The following PCDHGA5 variants were observed in gnomAD, a reference collection of about 807,000 sequenced individuals.
PCDHGA5 encodes protocadherin gamma subfamily A, 5.
In PCDHGA5, 36 loss-of-function variants were observed where a neutral mutation model predicts 56.7. The ratio of observed to expected loss-of-function variants is 0.64; its 90% CI spans 0.49 to 0.84. The LOEUF (loss-of-function observed/expected upper bound fraction) is 0.84. Ranked by LOEUF, PCDHGA5 falls within the 40% of genes least tolerant of loss-of-function variation. The pLI, the probability that PCDHGA5 is intolerant of heterozygous loss-of-function variation, is 0.00. For missense variants in PCDHGA5, 1,305 were observed against 1,201.5 expected (o/e 1.09, Z -1.27); for synonymous variants, 563 against 520.2 (o/e 1.08, Z -1.12).
intron 1 of PCDHGA5, chr5:141,399,412 T>A: frequency 6.2e-7 from 1 of 1,613,948 alleles, no homozygotes; most frequent in Non-Finnish European, 8.5e-7. Flanking sequence ...GCCGCCCCTC[T>A]CCTCCAGCAT....
intron 2 of PCDHGA5, among the ~76,000 whole-genome samples, chr5:141,501,890 A>G (rs1046816316): frequency 6.6e-6 from 1 of 151,980 alleles, no homozygotes; most frequent in Non-Finnish European, 1.5e-5. Flanking sequence ...CCTGATCATC[A>G]TGGTTCCAAC....
At chr5:141,427,889 G>C in intron 1 of PCDHGA5, 1 of 1,566,516 alleles carries the variant, frequency 6.4e-7, no homozygotes, top group South Asian at 1.1e-5. Flanking sequence ...CCCACGACCA[G>C]GGCTCGCCCG....
chr5:141,472,623 TAA>T (rs2099291037), intron 1 of PCDHGA5, among the ~76,000 whole-genome samples: 1 of 152,018 alleles, frequency 6.6e-6, no homozygotes, highest in Non-Finnish European at 1.5e-5. Context: ...AGAAAAAAGA[TAA>T]AGACTGGGAA....
rs1033888717 is a variant in PCDHGA5 at position 141,512,540 on chromosome 5, T to C, written c.*1367T>C. 6.5e-6 allele frequency: 1 copy of C among 152,886 alleles called. No homozygotes were observed. Among genetic ancestry groups the C allele is most frequent in the African/African-American group, 2.4e-5 (1 of 41,476 alleles). 9.5% of individuals were successfully genotyped at this position (152,886 alleles called of 1,614,324 possible). ...CCATAGCCTGGTTAAAGTTCCCCAGTGCCTCCTTGTGCATAGACCTTCTTC... is the reference window on the plus strand; with the variant it reads ...CCATAGCCTGGTTAAAGTTCCCCAGCGCCTCCTTGTGCATAGACCTTCTTC... On this transcript the variant is annotated 3_prime_UTR_variant, in exon 4 of 4. Transcript: ENST00000518069.
rs1488506612 is a variant in PCDHGA5 at position 141,395,336 on chromosome 5, T to G, written c.2421+28585T>G. ...TTGTGAAGATAGTTGAAAATAATTTTTAAGGTGTATCACAGAGTTTTGGGT... is the reference window on the plus strand; with the variant it reads ...TTGTGAAGATAGTTGAAAATAATTTGTAAGGTGTATCACAGAGTTTTGGGT... On this transcript the variant is annotated intron_variant, in intron 1 of 3. Coordinates refer to ENST00000518069, the MANE Select transcript of PCDHGA5 (RefSeq NM_018918.3). 5 of 1,435,024 alleles carry G rather than the reference T, an allele frequency of 3.5e-6. No homozygotes were observed. In the African/African-American group the frequency reaches 4.3e-5, roughly 12 times the overall value. The allele number at this position is 1,435,024 out of a possible 1,614,324, so 88.9% of individuals were successfully genotyped here. A position where few individuals can be genotyped will look rare whatever the true frequency, so the allele number is the denominator to read the frequency against.
At chr5:141,377,317 T>C (rs1355098405) in intron 1 of PCDHGA5, 3 of 152,140 alleles carry the variant, frequency 2.0e-5, no homozygotes, top group African/African-American at 7.2e-5. Context: ...GATCAAGATC[T>C]TGGTTTTAGC....
intron 1 of PCDHGA5, chr5:141,382,974 A>G: frequency 6.2e-7 from 1 of 1,610,398 alleles, no homozygotes; most frequent in Non-Finnish European, 8.5e-7. Flanking sequence ...CCCCCTGGGA[A>G]GCCTGGGCAG....
intron 1 of PCDHGA5, among the ~76,000 whole-genome samples, chr5:141,447,805 G>A (rs1389870133): frequency 2.0e-5 from 3 of 152,064 alleles, no homozygotes; most frequent in Admixed American, 2.0e-4. Context: ...AATAAAATTG[G>A]CTGGGCGTGG....
At chr5:141,404,888 G>A (rs778498828) in intron 1 of PCDHGA5, 9 of 1,613,762 alleles carry the variant, frequency 5.6e-6, no homozygotes, top group East Asian at 2.2e-5. Context: ...TGTGGTGGCT[G>A]TACAGGACCA....
At chr5:141,450,829 A>ATT (rs373424450) in intron 1 of PCDHGA5, among the ~76,000 whole-genome samples, 8,685 of 135,030 alleles carry the variant, frequency 0.064, 328 homozygotes, top group South Asian at 0.088. Context: ...TATTATTATT[A>ATT]TTTTTTTTTT....
At chr5:141,371,633 G>C in intron 1 of PCDHGA5, 1 of 1,614,040 alleles carries the variant, frequency 6.2e-7, no homozygotes, top group Non-Finnish European at 8.5e-7. Context: ...TGGACCGGGA[G>C]CAGATCCCAG....
At chr5:141,450,006 C>CTTTTTT (rs1554136305) in intron 1 of PCDHGA5, among the ~76,000 whole-genome samples, 15 of 132,950 alleles carry the variant, frequency 1.1e-4, no homozygotes, top group African/African-American at 2.0e-4. Context: ...TGCCATGTCT[C>CTTTTTT]TTTTTTTTTT....
intron 1 of PCDHGA5, among the ~76,000 whole-genome samples, chr5:141,444,150 GGAT>G (rs2098419400): frequency 8.8e-6 from 1 of 114,014 alleles, no homozygotes; most frequent in African/African-American, 3.4e-5. Context: ...TGTGTGTACT[GGAT>G]TTTTTTTTTT....
intron 2 of PCDHGA5, among the ~76,000 whole-genome samples, chr5:141,497,602 C>T (rs948023459): frequency 2.0e-5 from 3 of 148,260 alleles, no homozygotes; most frequent in East Asian, 2.0e-4. Flanking sequence ...TGCAGTGGTG[C>T]GATCTTGGCT....
intron 1 of PCDHGA5, chr5:141,408,616 A>C (rs1242634693): frequency 6.2e-7 from 1 of 1,614,052 alleles, no homozygotes. Flanking sequence ...AAAAGGAAAT[A>C]CATTTAGAAA....
intron 1 of PCDHGA5, chr5:141,383,821 G>T: frequency 1.2e-6 from 2 of 1,613,922 alleles, no homozygotes; most frequent in Non-Finnish European, 1.7e-6. Context: ...AGAAGGATTA[G>T]ATTATGAAGA....
Position 141,512,931 on chromosome 5 carries a change from C to T in PCDHGA5, c.*1758C>T, listed in dbSNP as rs2099884512. On this transcript the variant is annotated 3_prime_UTR_variant, in exon 4 of 4. Transcript: ENST00000518069. ...GTTTTATACTCTAATATTTATATGG[C>T]TTTTTTTCTTCGACAAAAAAATAAT... The T allele has an allele frequency of 6.6e-6, 1 of 152,006 alleles. No homozygotes were observed. The highest frequency in any genetic ancestry group is 2.4e-5 in the African/African-American group (1 of 41,414). The allele number at this position is 152,006 out of a possible 1,614,324, so 9.4% of individuals were successfully genotyped here.
At chr5:141,408,226 GCGCCGGGCCGGCC>G (rs2095062452) in intron 1 of PCDHGA5, 1 of 1,562,288 alleles carries the variant, frequency 6.4e-7, no homozygotes, top group South Asian at 1.2e-5. Flanking sequence ...GCGCGCAGAG[GCGCCGGGCCGGCC>G]CGCGGCAGGT....
chr5:141,418,041 T>C lies in PCDHGA5; in HGVS notation c.2421+51290T>C, dbSNP rs764313049. The C allele has an allele frequency of 1.2e-6, 2 of 1,613,858 alleles. No individual in the cohort carries two copies. Among genetic ancestry groups the C allele is most frequent in the Non-Finnish European group, 1.7e-6 (2 of 1,179,856 alleles). On this transcript the variant is annotated intron_variant, in intron 1 of 3. Transcript: ENST00000518069. ...GATCTAGGGCTTAGTGTCCTGGATG[T>C]GTCGGCTCGCGAGCTGCGAGTGAGC... is the stretch of plus-strand genomic sequence containing the variant.
Sources: gnomAD v4.1 joint callset for allele counts (sites outside exome capture counted in the v4.1 genomes callset) on GRCh38, gnomAD v4.1.1 for gene constraint, MANE v1.5 for transcripts, NCBI Gene and HGNC (gene_info 2026-07-23, HGNC 2026-07-21) for gene names.